NKAIN3: variants seen among roughly 807,000 people sequenced by gnomAD.
NKAIN3 encodes sodium/potassium transporting ATPase interacting 3, also known as sodium/potassium-transporting ATPase subunit beta-1-interacting protein 3.
In NKAIN3, 25 loss-of-function variants were observed where a neutral mutation model predicts 30.2. The observed-to-expected ratio is 0.83, with a 90% confidence interval of 0.60 to 1.16. NKAIN3 has a LOEUF of 1.16. NKAIN3 is among the 50% of genes most tolerant of loss of function. The pLI is 0.00. For synonymous variants in NKAIN3, 91 were observed against 89.6 expected, an observed-to-expected ratio of 1.02 and a Z score of -0.09; for missense variants, 225 against 254.1, an observed-to-expected ratio of 0.89 and a Z score of 0.78.
At chr8:62,735,131 A>G (rs1053820719) in intron 3 of NKAIN3, among the ~76,000 whole-genome samples, 1 of 152,110 alleles carries the variant, frequency 6.6e-6, no homozygotes, top group African/African-American at 2.4e-5. Context: ...AGCTTCTTAT[A>G]TTTAGATGTC....
intron 4 of NKAIN3, among the ~76,000 whole-genome samples, chr8:62,897,613 G>C (rs1821470705): frequency 6.6e-6 from 1 of 152,026 alleles, no homozygotes; most frequent in South Asian, 2.1e-4. Flanking sequence ...GGTTTGTTTT[G>C]TCCCTGCCAA....
intron 1 of NKAIN3, among the ~76,000 whole-genome samples, chr8:62,575,385 T>C (rs1810077461): frequency 6.6e-6 from 1 of 151,952 alleles, no homozygotes; most frequent in African/African-American, 2.4e-5. Context: ...CAAATAAAAT[T>C]AAATGCCTAG....
chr8:62,549,998 T>G (rs1402716988), intron 1 of NKAIN3, among the ~76,000 whole-genome samples: 1 of 150,420 alleles, frequency 6.6e-6, no homozygotes, highest in African/African-American at 2.5e-5. Context: ...GCTATGTGGA[T>G]TAAAGTATGA....
chr8:62,765,371 C>A (rs1816805482), intron 4 of NKAIN3, among the ~76,000 whole-genome samples: 1 of 151,820 alleles, frequency 6.6e-6, no homozygotes, highest in African/African-American at 2.4e-5. Flanking sequence ...AGATTTCATT[C>A]TCTTATTTCT....
At chr8:62,543,458 A>G (rs923707808) in intron 1 of NKAIN3, among the ~76,000 whole-genome samples, 1 of 152,200 alleles carries the variant, frequency 6.6e-6, no homozygotes, top group Non-Finnish European at 1.5e-5. Flanking sequence ...GGCAGAACAG[A>G]TGATGTTGCT....
intron 4 of NKAIN3, among the ~76,000 whole-genome samples, chr8:62,908,805 G>T (rs188894227): frequency 4.7e-4 from 72 of 152,240 alleles, no homozygotes; most frequent in African/African-American, 1.6e-3. Context: ...AGAAGCATGA[G>T]AACAGACTAA....
chr8:62,523,205 T>G (rs1808208414), intron 1 of NKAIN3, among the ~76,000 whole-genome samples: 1 of 152,198 alleles, frequency 6.6e-6, no homozygotes, highest in Non-Finnish European at 1.5e-5. Flanking sequence ...TAACATGCCG[T>G]ACAGATTTGT....
At chr8:62,868,293 G>T (rs1031842097) in intron 4 of NKAIN3, among the ~76,000 whole-genome samples, 1 of 151,186 alleles carries the variant, frequency 6.6e-6, no homozygotes, top group African/African-American at 2.4e-5. Context: ...ATGGTATAGA[G>T]TATTTCTTTT....
chr8:62,491,676 T>C (rs1181071758), intron 1 of NKAIN3, among the ~76,000 whole-genome samples: 2 of 151,888 alleles, frequency 1.3e-5, no homozygotes, highest in African/African-American at 4.8e-5. Context: ...TGTGGGAGGG[T>C]GAAGATGATG....
At chr8:62,907,075 T>C (rs1422861464) in intron 4 of NKAIN3, among the ~76,000 whole-genome samples, 1 of 152,188 alleles carries the variant, frequency 6.6e-6, no homozygotes, top group Non-Finnish European at 1.5e-5. Context: ...GAAGTCCTGG[T>C]TGAGTAGTCT....
chr8:62,333,454 G>T (rs1310859797), intron 1 of NKAIN3, among the ~76,000 whole-genome samples: 1 of 152,058 alleles, frequency 6.6e-6, no homozygotes, highest in African/African-American at 2.4e-5. Context: ...ATTTTGTGTA[G>T]GTGTACCAGG....
At chr8:62,516,780 G>C (rs1364555963) in intron 1 of NKAIN3, among the ~76,000 whole-genome samples, 1 of 152,036 alleles carries the variant, frequency 6.6e-6, no homozygotes, top group Non-Finnish European at 1.5e-5. Flanking sequence ...TCAGTAGTCT[G>C]TAGCTTTCTT....
Position 62,974,711 on chromosome 8 carries a change from G to A in NKAIN3, c.*9304G>A, listed in dbSNP as rs1311491318. ...TTCTAATACTGTGTTGAATAGGAGTGGTGAGACAAGCCACCCTTGTCTTGC... is the reference window on the plus strand; with the variant it reads ...TTCTAATACTGTGTTGAATAGGAGTAGTGAGACAAGCCACCCTTGTCTTGC... On this transcript the variant is annotated 3_prime_UTR_variant, in exon 7 of 7. Transcript: ENST00000623646. Among the ~76,000 whole-genome samples the A allele has an allele frequency of 2.0e-5, 3 of 152,162 alleles. No individual in the cohort carries two copies. The highest frequency in any genetic ancestry group is 7.2e-5 in the African/African-American group (3 of 41,430).
rs1424533836 is a variant in NKAIN3 at position 62,824,546 on chromosome 8, G to C, written c.471+77417G>C. On this transcript the variant is annotated intron_variant, in intron 4 of 6. Coordinates refer to ENST00000623646, the MANE Select transcript of NKAIN3 (RefSeq NM_001304533.3). ...CACACACACACAAATAGTGGTGAGT[G>C]CTCTAAAAATGATAGACACAACATG... 2.0e-5 allele frequency among the ~76,000 whole-genome samples: 3 copies of C among 150,824 alleles called. No homozygotes were observed. In the East Asian group the frequency reaches 5.8e-4, roughly 29 times the overall value.
At chr8:62,704,740 T>C (rs569575616) in intron 3 of NKAIN3, among the ~76,000 whole-genome samples, 6 of 152,326 alleles carry the variant, frequency 3.9e-5, no homozygotes, top group African/African-American at 1.4e-4. Context: ...AAAACTCTTA[T>C]TTACATTTCA....
At chr8:62,756,109 C>T (rs1397443178) in intron 4 of NKAIN3, among the ~76,000 whole-genome samples, 1 of 152,166 alleles carries the variant, frequency 6.6e-6, no homozygotes, top group Non-Finnish European at 1.5e-5. Context: ...ACATACCATA[C>T]AATTCATCAT....
intron 4 of NKAIN3, among the ~76,000 whole-genome samples, chr8:62,817,960 T>G (rs529370297): frequency 3.3e-4 from 50 of 152,284 alleles, no homozygotes; most frequent in African/African-American, 1.1e-3. Context: ...CATGGCCTCT[T>G]TTAATATTTT....
At chr8:62,390,489 A>T (rs1347099941) in intron 1 of NKAIN3, among the ~76,000 whole-genome samples, 1 of 152,224 alleles carries the variant, frequency 6.6e-6, no homozygotes, top group Non-Finnish European at 1.5e-5. Context: ...TATTGTGAAT[A>T]GTGCTGCAAT....
intron 1 of NKAIN3, among the ~76,000 whole-genome samples, chr8:62,477,735 C>T (rs1038177164): frequency 1.2e-4 from 18 of 151,902 alleles, no homozygotes; most frequent in African/African-American, 3.9e-4. Flanking sequence ...GTCATGATTC[C>T]GTCAAGATGT....
Sources: gnomAD v4.1 joint callset for allele counts (sites outside exome capture counted in the v4.1 genomes callset) on GRCh38, gnomAD v4.1.1 for gene constraint, MANE v1.5 for transcripts, NCBI Gene and HGNC (gene_info 2026-07-23, HGNC 2026-07-21) for gene names.